Variants in KAT6B observed in about 807,000 individuals in gnomAD.
KAT6B encodes lysine acetyltransferase 6B.
In KAT6B, 10 loss-of-function variants were observed where a neutral mutation model predicts 187.5. The ratio of observed to expected loss-of-function variants is 0.05; its 90% CI spans 0.03 to 0.09. KAT6B has a LOEUF of 0.09. Among genes scored for constraint, KAT6B ranks in the 10% least tolerant of loss-of-function variants. The pLI is 1.00. For missense variants in KAT6B, 1,952 were observed against 2,558.9 expected (o/e 0.76, Z 5.12); for synonymous variants, 861 against 926.8 (o/e 0.93, Z 1.29).
At chr10:74,972,007 G>A (rs1477206718) in intron 6 of KAT6B, among the ~76,000 whole-genome samples, 2 of 152,012 alleles carry the variant, frequency 1.3e-5, no homozygotes, top group African/African-American at 2.4e-5. Flanking sequence ...CTCTATGCTA[G>A]ATGTATAGTT....
intron 3 of KAT6B, among the ~76,000 whole-genome samples, chr10:74,934,309 A>G (rs1294090657): frequency 6.6e-6 from 1 of 151,926 alleles, no homozygotes; most frequent in Non-Finnish European, 1.5e-5. Flanking sequence ...TTTTTTTCTG[A>G]AAACTTTATT....
intron 6 of KAT6B, among the ~76,000 whole-genome samples, chr10:74,970,761 T>C (rs1019820674): frequency 6.6e-6 from 1 of 152,138 alleles, no homozygotes; most frequent in African/African-American, 2.4e-5. Flanking sequence ...GGAATAAAAA[T>C]AAAAATGAAT....
intron 3 of KAT6B, among the ~76,000 whole-genome samples, chr10:74,945,321 T>C (rs1004082275): frequency 6.6e-6 from 1 of 152,156 alleles, no homozygotes; most frequent in Non-Finnish European, 1.5e-5. Flanking sequence ...GCGAAACTAA[T>C]CTGTCGTGAC....
chr10:74,947,080 A>G lies in KAT6B; in HGVS notation c.622-12890A>G, dbSNP rs148574263. ...AGTGGCACGATCTTGGCTCACTACA[A>G]CCTCCACCCCCTGAGTTCAAGCAGT... On this transcript the variant is annotated intron_variant, in intron 3 of 17. Transcript: ENST00000287239. Among the ~76,000 whole-genome samples the G allele has an allele frequency of 3.3e-3, 502 of 152,078 alleles. 4 individuals are homozygous for G. Among genetic ancestry groups the G allele is most frequent in the East Asian group, 0.022 (112 of 5,176 alleles).
At chr10:75,010,971 T>C (rs1435922751) in intron 13 of KAT6B, among the ~76,000 whole-genome samples, 1 of 152,256 alleles carries the variant, frequency 6.6e-6, no homozygotes, top group African/African-American at 2.4e-5. Context: ...TTAAAGTGTA[T>C]ATGTGTTCGA....
At chr10:74,898,738 C>T (rs1846163081) in intron 3 of KAT6B, among the ~76,000 whole-genome samples, 4 of 152,120 alleles carry the variant, frequency 2.6e-5, no homozygotes. Context: ...TGTGCTATAG[C>T]AGAAGAAAGA....
intron 3 of KAT6B, among the ~76,000 whole-genome samples, chr10:74,938,023 G>A (rs919747822): frequency 6.6e-6 from 1 of 152,176 alleles, no homozygotes; most frequent in African/African-American, 2.4e-5. Flanking sequence ...ATAGCTCACT[G>A]TAACTTCAAA....
chr10:74,910,825 A>G (rs994618938), intron 3 of KAT6B, among the ~76,000 whole-genome samples: 3 of 152,158 alleles, frequency 2.0e-5, no homozygotes, highest in African/African-American at 7.2e-5. Context: ...GTAAATACAG[A>G]TAGCACATAA....
At chr10:74,993,782 G>A (rs2133904031) in intron 13 of KAT6B, among the ~76,000 whole-genome samples, 2 of 152,192 alleles carry the variant, frequency 1.3e-5, no homozygotes, top group South Asian at 2.1e-4. Flanking sequence ...TGTATGGTGT[G>A]CCTCAATTTG....
In KAT6B at chr10:74,860,998, G is replaced by A. The variant is rs139750380; in HGVS notation, c.621+17520G>A. ...ACTAAAAATGCAAAATTAGCCGGGC[G>A]TGGTGGCACATGCCTGTAATCCCAG... On this transcript the variant is annotated intron_variant, in intron 3 of 17. Coordinates refer to ENST00000287239, the MANE Select transcript of KAT6B (RefSeq NM_012330.4). 1.3e-3 allele frequency among the ~76,000 whole-genome samples: 191 copies of A among 152,280 alleles called. 4 individuals are homozygous for A. The East Asian group carries it at 0.034, about 27-fold the overall frequency.
intron 3 of KAT6B, among the ~76,000 whole-genome samples, chr10:74,910,175 G>A (rs1847095063): frequency 6.6e-6 from 1 of 151,418 alleles, no homozygotes; most frequent in Non-Finnish European, 1.5e-5. Flanking sequence ...GCGCATGCCT[G>A]TAATCCCAGC....
intron 3 of KAT6B, among the ~76,000 whole-genome samples, chr10:74,931,390 A>G (rs368152776): frequency 2.0e-5 from 3 of 152,198 alleles, no homozygotes. Flanking sequence ...CCGTGTTAAA[A>G]TTCCCTTCAA....
At chr10:74,955,488 T>C (rs1471976067) in intron 3 of KAT6B, among the ~76,000 whole-genome samples, 1 of 149,270 alleles carries the variant, frequency 6.7e-6, no homozygotes, top group Non-Finnish European at 1.5e-5. Flanking sequence ...TGAACACCTA[T>C]ATGCCTTTTA....
chr10:74,995,166 C>A (rs1207773666), intron 13 of KAT6B, among the ~76,000 whole-genome samples: 1 of 152,152 alleles, frequency 6.6e-6, no homozygotes. Context: ...CTAACTCATG[C>A]CATTGTGAAA....
chr10:74,870,891 T>G (rs549299477), intron 3 of KAT6B, among the ~76,000 whole-genome samples: 5 of 150,174 alleles, frequency 3.3e-5, no homozygotes, highest in South Asian at 2.1e-4. Context: ...TTTGTTTTTT[T>G]TTTTGATATG....
At chr10:74,871,298 T>C (rs1170443706) in intron 3 of KAT6B, among the ~76,000 whole-genome samples, 1 of 150,606 alleles carries the variant, frequency 6.6e-6, no homozygotes, top group Non-Finnish European at 1.5e-5. Flanking sequence ...GTCCAAGTGA[T>C]TCTCCTGCCT....
chr10:74,990,149 G>C (rs961289865), intron 13 of KAT6B, among the ~76,000 whole-genome samples: 8 of 138,410 alleles, frequency 5.8e-5, no homozygotes, highest in African/African-American at 2.1e-4. Flanking sequence ...GAGCCGAGAT[G>C]GTGCCACTGC....
intron 3 of KAT6B, among the ~76,000 whole-genome samples, chr10:74,888,553 T>C (rs558542757): frequency 6.6e-6 from 1 of 152,332 alleles, no homozygotes; most frequent in East Asian, 1.9e-4. Flanking sequence ...TCCCATCAGA[T>C]TGGCAGAAAT....
intron 4 of KAT6B, among the ~76,000 whole-genome samples, chr10:74,964,987 T>A (rs1841358852): frequency 6.6e-6 from 1 of 152,228 alleles, no homozygotes; most frequent in Non-Finnish European, 1.5e-5. Context: ...CCCTTTTTCC[T>A]CCAATCCATT....
Sources: gnomAD v4.1 joint callset for allele counts (sites outside exome capture counted in the v4.1 genomes callset) on GRCh38, gnomAD v4.1.1 for gene constraint, MANE v1.5 for transcripts, NCBI Gene and HGNC (gene_info 2026-07-23, HGNC 2026-07-21) for gene names.